The following GAS2L3 variants were observed in gnomAD, a reference collection of about 807,000 sequenced individuals.
The protein encoded by GAS2L3 is growth arrest specific 2 like 3.
Under a neutral mutation model 37.0 loss-of-function variants are expected in GAS2L3, and 28 were observed. The ratio of observed to expected loss-of-function variants is 0.76; its 90% CI spans 0.56 to 1.04. GAS2L3 has a LOEUF of 1.04. Among genes scored for constraint, GAS2L3 ranks in the 50% least tolerant of loss-of-function variants. The probability of loss-of-function intolerance (pLI) is 0.00; values close to 1 mark genes in which losing one functional copy is unlikely to be tolerated. For missense variants in GAS2L3, 793 were observed against 817.6 expected, an observed-to-expected ratio of 0.97 and a Z score of 0.37; for synonymous variants, 290 against 296.6, an observed-to-expected ratio of 0.98 and a Z score of 0.23.
Position 100,624,471 on chromosome 12 carries a change from T to C in GAS2L3, c.1666T>C (p.Ser556Pro). 6.2e-7 allele frequency: 1 copy of C among 1,614,040 alleles called. No individual in the cohort carries two copies. The change falls in exon 10 of 10, where the codon TCG (serine) becomes CCG (proline). Residue 556 changes from serine (S) to proline (P), a missense_variant. Coordinates refer to ENST00000547754, the MANE Select transcript of GAS2L3 (RefSeq NM_174942.3). The stretch of plus-strand genomic sequence containing the variant: ...GCCAGTCCCAGCACAGAAACTTAAA[T>C]CGGCCTTGAATTTAAATCAGCCAGT... ...AKPVPAQKLK[S>P]ALNLNQPVSV... is the part of the protein sequence containing the mutation.
At chr12:100,596,352 A>G (rs1211807812) in intron 3 of GAS2L3, among the ~76,000 whole-genome samples, 1 of 151,952 alleles carries the variant, frequency 6.6e-6, no homozygotes, top group Non-Finnish European at 1.5e-5. Flanking sequence ...CACATTGCCC[A>G]TGTTTTTTCT....
At chr12:100,596,923 A>G (rs1955919796) in intron 3 of GAS2L3, among the ~76,000 whole-genome samples, 1 of 152,052 alleles carries the variant, frequency 6.6e-6, no homozygotes. Context: ...CTTAATGACA[A>G]TATGACAGCT....
In GAS2L3 at chr12:100,624,957, TCTC is replaced by T; in HGVS notation, c.*70_*72del. The T allele has an allele frequency of 7.9e-7, 1 of 1,265,422 alleles. No individual in the cohort carries two copies. Among genetic ancestry groups the T allele is most frequent in the Middle Eastern group, 2.7e-4 (1 of 3,740 alleles). 78.4% of individuals were successfully genotyped at this position (1,265,422 alleles called of 1,614,324 possible). On this transcript the variant is annotated 3_prime_UTR_variant, in exon 10 of 10. Transcript: ENST00000547754. ...GTGTTAGCTTCACATCTTAAAAGTTTCTCCTATTTGTGTCTGTCTAAATAGGTG... is the reference window on the plus strand; with the variant it reads ...GTGTTAGCTTCACATCTTAAAAGTTTCTATTTGTGTCTGTCTAAATAGGTG...
rs145532339 is a variant in GAS2L3 at position 100,624,955 on chromosome 12, T to C, written c.*65T>C. On this transcript the variant is annotated 3_prime_UTR_variant, in exon 10 of 10. Transcript: ENST00000547754. ...ATGTGTTAGCTTCACATCTTAAAAG[T>C]TTCTCCTATTTGTGTCTGTCTAAAT... 3.4e-4 allele frequency: 427 copies of C among 1,264,740 alleles called. 3 individuals are homozygous for C. In the East Asian group the frequency reaches 5.2e-3, roughly 15 times the overall value. The allele number at this position is 1,264,740 out of a possible 1,614,324, so 78.3% of individuals were successfully genotyped here. A position where few individuals can be genotyped will look rare whatever the true frequency, so the allele number is the denominator to read the frequency against.
Position 100,626,773 on chromosome 12 carries a change from A to C in GAS2L3, c.*1883A>C, listed in dbSNP as rs1437640572. The C allele has an allele frequency of 6.6e-6, 1 of 152,222 alleles. No individual in the cohort carries two copies. Among genetic ancestry groups the C allele is most frequent in the Non-Finnish European group, 1.5e-5 (1 of 68,038 alleles). 9.4% of individuals were successfully genotyped at this position (152,222 alleles called of 1,614,324 possible). On this transcript the variant is annotated 3_prime_UTR_variant, in exon 10 of 10. Transcript: ENST00000547754. ...GTTAAATGTGATCAGGAATAAAAGT[A>C]TCCCACAGGCATCTGACACAAATTC...
chr12:100,610,987 C>CT (rs200233669), intron 5 of GAS2L3: 3,610 of 132,368 alleles, frequency 0.027, 133 homozygotes, highest in African/African-American at 0.08. Context: ...GTCTGTGATT[C>CT]TTTTTTTTTT....
chr12:100,579,660 A>G, intron 1 of GAS2L3: 1 of 779,366 alleles, frequency 1.3e-6, no homozygotes, highest in Non-Finnish European at 2.4e-6. Flanking sequence ...TATTTTTCTT[A>G]ATACCTCCCT....
rs762390679 is a variant in GAS2L3 at position 100,612,071 on chromosome 12, C to G, written c.375C>G (p.Thr125=). ...GTTCATTCTTTGCTCGGGACAATACCGCAAACTTCCTTCACTGGTGTAGGG... is the reference window on the plus strand; with the variant it reads ...GTTCATTCTTTGCTCGGGACAATACGGCAAACTTCCTTCACTGGTGTAGGG... ...ASGSFFARDN[T]ANFLHWCRDI... is the part of the protein sequence containing the mutation. The change falls in exon 6 of 10, where the codon ACC becomes ACG. Residue 125 remains threonine, a synonymous_variant. Coordinates refer to ENST00000547754, the MANE Select transcript of GAS2L3 (RefSeq NM_174942.3). 6.2e-7 allele frequency: 1 copy of G among 1,611,092 alleles called. No individual in the cohort carries two copies. Among genetic ancestry groups the G allele is most frequent in the Non-Finnish European group, 8.5e-7 (1 of 1,177,322 alleles).
At chr12:100,607,688 A>T (rs2136503579) in intron 5 of GAS2L3, among the ~76,000 whole-genome samples, 1 of 151,846 alleles carries the variant, frequency 6.6e-6, no homozygotes, top group South Asian at 2.1e-4. Flanking sequence ...CTTCTGCTTG[A>T]TCAGTTCTGC....
intron 8 of GAS2L3, among the ~76,000 whole-genome samples, chr12:100,621,222 G>T (rs1410524784): frequency 6.6e-6 from 1 of 151,814 alleles, no homozygotes; most frequent in Non-Finnish European, 1.5e-5. Flanking sequence ...AATTTTGTGT[G>T]GCAATAATTG....
chr12:100,579,099 A>G (rs1204879732), intron 1 of GAS2L3: 19 of 726,926 alleles, frequency 2.6e-5, no homozygotes, highest in Middle Eastern at 2.4e-4. Context: ...ATATTTGTTC[A>G]GGAGAGAGTC....
chr12:100,595,005 A>C, intron 3 of GAS2L3, 83 bp downstream of exon 3: 1 of 583,734 alleles, frequency 1.7e-6, no homozygotes. Flanking sequence ...TAAAATTATC[A>C]CAGTGTTCTT....
intron 6 of GAS2L3, among the ~76,000 whole-genome samples, chr12:100,612,839 T>C (rs1425830945): frequency 6.6e-6 from 1 of 152,116 alleles, no homozygotes; most frequent in Non-Finnish European, 1.5e-5. Context: ...TCTGCCCTGG[T>C]AGAAGTTTTA....
chr12:100,619,646 A>G lies in GAS2L3; in HGVS notation c.648+1059A>G, dbSNP rs190032185. Among the ~76,000 whole-genome samples the G allele has an allele frequency of 3.2e-3, 484 of 152,150 alleles. 3 individuals are homozygous for G. Among genetic ancestry groups the G allele is most frequent in the African/African-American group, 0.011 (459 of 41,554 alleles). On this transcript the variant is annotated intron_variant, in intron 8 of 9. Coordinates refer to ENST00000547754, the MANE Select transcript of GAS2L3 (RefSeq NM_174942.3). ...TATTCATGTGTGTGTGTGTATATAT[A>G]TATAATGATTGTCAATATCAATATG...
chr12:100,619,648 A>G (rs1490427013), intron 8 of GAS2L3, among the ~76,000 whole-genome samples: 3 of 152,044 alleles, frequency 2.0e-5, no homozygotes, highest in Non-Finnish European at 4.4e-5. Context: ...GTATATATAT[A>G]TAATGATTGT....
At chr12:100,610,730 A>T (rs989256646) in intron 5 of GAS2L3, among the ~76,000 whole-genome samples, 1 of 152,220 alleles carries the variant, frequency 6.6e-6, no homozygotes, top group Non-Finnish European at 1.5e-5. Context: ...GATCATATTC[A>T]TGAATTGCTT....
intron 1 of GAS2L3, among the ~76,000 whole-genome samples, chr12:100,580,604 T>C (rs2136379651): frequency 6.6e-6 from 1 of 152,364 alleles, no homozygotes; most frequent in Non-Finnish European, 1.5e-5. Flanking sequence ...ACAAGTTTTC[T>C]TCAGGGAAGT....
At chr12:100,592,065 A>G (rs1955852779) in intron 2 of GAS2L3, among the ~76,000 whole-genome samples, 1 of 152,196 alleles carries the variant, frequency 6.6e-6, no homozygotes, top group African/African-American at 2.4e-5. Flanking sequence ...TTTGACATAC[A>G]GAAAGGCATA....
chr12:100,618,826 A>T lies in GAS2L3; in HGVS notation c.648+239A>T, dbSNP rs1956219931. 1.2e-5 allele frequency: 5 copies of T among 417,164 alleles called. No individual in the cohort carries two copies. The Admixed American group carries it at 2.2e-4, about 18-fold the overall frequency. 25.8% of individuals were successfully genotyped at this position (417,164 alleles called of 1,614,324 possible). A position where few individuals can be genotyped will look rare whatever the true frequency, so the allele number is the denominator to read the frequency against. Reference sequence around the variant, plus strand: ...AGTTGAGGAGTGGTGGGGCAAACAGATTGGAACTCATCATGAAGAGAACTA... The same window carrying T: ...AGTTGAGGAGTGGTGGGGCAAACAGTTTGGAACTCATCATGAAGAGAACTA... On this transcript the variant is annotated intron_variant, in intron 8 of 9. Transcript: ENST00000547754.
Sources: allele counts gnomAD v4.1 joint callset (sites outside exome capture counted in the v4.1 genomes callset), GRCh38; gene constraint gnomAD v4.1.1; transcripts MANE v1.5; gene names NCBI Gene and HGNC (gene_info 2026-07-23, HGNC 2026-07-21).